The following DKK3 variants were observed in gnomAD, a reference collection of about 807,000 sequenced individuals.
The protein encoded by DKK3 is dickkopf Wnt signaling pathway inhibitor 3.
A neutral mutation model predicts 33.2 loss-of-function variants in DKK3; 22 were observed. The ratio of observed to expected loss-of-function variants is 0.66; its 90% confidence interval spans 0.47 to 0.95. The LOEUF (loss-of-function observed/expected upper bound fraction) is 0.95, where lower values mean the gene tolerates loss of function less well. Among genes scored for constraint, DKK3 ranks in the 40% least tolerant of loss-of-function variants. DKK3 has a pLI of 0.00. For missense variants in DKK3, 398 were observed against 458.4 expected (o/e 0.87, Z 1.20); for synonymous variants, 194 against 188.8 (o/e 1.03, Z -0.23).
In DKK3 at chr11:11,999,367, T is replaced by C. The variant is rs369578356; in HGVS notation, c.352-588A>G. The stretch of plus-strand genomic sequence containing the variant: ...AAGTCTAACATAGAACCCAGGCTCT[T>C]CCTGCCCCATGAAAGGTCACGTCTA... On this transcript the variant is annotated intron_variant, in intron 2 of 6. Transcript: ENST00000683431. Among the ~76,000 whole-genome samples, 14 of 152,324 alleles carry C rather than the reference T, an allele frequency of 9.2e-5. No individual in the cohort carries two copies. The East Asian group carries it at 1.7e-3, about 19-fold the overall frequency.
intron 3 of DKK3, among the ~76,000 whole-genome samples, chr11:11,989,625 T>C (rs1848146723): frequency 6.6e-6 from 1 of 152,202 alleles, no homozygotes; most frequent in African/African-American, 2.4e-5. Context: ...CATCTCTGAT[T>C]TGCAAGATGA....
intron 5 of DKK3, among the ~76,000 whole-genome samples, 191 bp downstream of exon 5, chr11:11,966,763 G>A (rs1432305893): frequency 2.0e-5 from 3 of 151,918 alleles, no homozygotes; most frequent in Non-Finnish European, 4.4e-5. Context: ...ATCAACAGGG[G>A]AAAAAAAAGA....
intron 3 of DKK3, 146 bp from the exon 4 acceptor site, chr11:11,968,633 G>A (rs1245309361): frequency 3.1e-6 from 2 of 645,274 alleles, no homozygotes; most frequent in Non-Finnish European, 5.1e-6. Context: ...GACTCTAGTC[G>A]CTCCTGATCC....
chr11:11,980,529 T>A (rs1802662838), intron 3 of DKK3, among the ~76,000 whole-genome samples: 1 of 152,146 alleles, frequency 6.6e-6, no homozygotes, highest in Non-Finnish European at 1.5e-5. Flanking sequence ...TTTTCTGACC[T>A]CCCTAGGACC....
chr11:12,007,360 T>C (rs1016661718), intron 1 of DKK3, among the ~76,000 whole-genome samples: 1 of 152,158 alleles, frequency 6.6e-6, no homozygotes, highest in African/African-American at 2.4e-5. Flanking sequence ...GGCTCCTCTC[T>C]ATAGACACAG....
intron 3 of DKK3, among the ~76,000 whole-genome samples, chr11:11,972,667 T>C (rs78183961): frequency 0.011 from 1,690 of 152,298 alleles, 31 homozygotes; most frequent in African/African-American, 0.039. Flanking sequence ...GGAGAGGACA[T>C]GTGTCAGTGC....
At chr11:11,974,859 G>T (rs1847799081) in intron 3 of DKK3, among the ~76,000 whole-genome samples, 1 of 151,760 alleles carries the variant, frequency 6.6e-6, no homozygotes, top group Non-Finnish European at 1.5e-5. Flanking sequence ...AGCCAAGATC[G>T]CACCACTGCA....
intron 3 of DKK3, among the ~76,000 whole-genome samples, chr11:11,980,117 G>C (rs1327819719): frequency 6.6e-6 from 1 of 152,168 alleles, no homozygotes; most frequent in Non-Finnish European, 1.5e-5. Context: ...AGCTCCCTCG[G>C]CTCTAATTCT....
intron 1 of DKK3, among the ~76,000 whole-genome samples, chr11:12,007,462 A>T (rs1848560892): frequency 6.6e-6 from 1 of 152,196 alleles, no homozygotes; most frequent in Non-Finnish European, 1.5e-5. Context: ...GGGCTGGGCC[A>T]GTGACATCTC....
chr11:12,006,925 C>T (rs1848548517), intron 1 of DKK3, among the ~76,000 whole-genome samples: 1 of 152,198 alleles, frequency 6.6e-6, no homozygotes, highest in African/African-American at 2.4e-5. Flanking sequence ...CCAGAGGCAT[C>T]GCAAACTCCA....
chr11:11,997,332 T>C (rs531262526), intron 3 of DKK3, among the ~76,000 whole-genome samples: 31 of 152,170 alleles, frequency 2.0e-4, no homozygotes, highest in Non-Finnish European at 4.3e-4. Context: ...GCCTCAATCC[T>C]TCATCAAACC....
chr11:11,968,731 A>G (rs1188450964), intron 3 of DKK3: 1 of 433,944 alleles, frequency 2.3e-6, no homozygotes, highest in African/African-American at 2.0e-5. Flanking sequence ...AATTCACACA[A>G]TCGCCATCTG....
intron 3 of DKK3, among the ~76,000 whole-genome samples, chr11:11,974,776 C>T (rs2135016087): frequency 6.6e-6 from 1 of 152,236 alleles, no homozygotes; most frequent in African/African-American, 2.4e-5. Context: ...TGGTGACATG[C>T]ACCTGTGATT....
At chr11:12,009,523 A>C, upstream of DKK3, 1 of 945,780 alleles carries the variant, frequency 1.1e-6, no homozygotes, top group Non-Finnish European at 1.3e-6. Flanking sequence ...GAAGGCAGCC[A>C]TCTCCTTCAC....
At chr11:12,006,532 TC>T (rs138851899) in intron 1 of DKK3, among the ~76,000 whole-genome samples, 3,787 of 152,266 alleles carry the variant, frequency 0.025, 132 homozygotes, top group African/African-American at 0.087. Context: ...CGAGGACACC[TC>T]TGGGAAAGAG....
chr11:12,008,323 C>T lies in DKK3; in HGVS notation c.213+47G>A, dbSNP rs1406013586. The T allele has an allele frequency of 3.2e-6, 5 of 1,564,984 alleles. No homozygotes were observed. The Admixed American group carries it at 9.0e-5, about 28-fold the overall frequency. On this transcript the variant is annotated intron_variant, in intron 1 of 6. Transcript: ENST00000683431. The surrounding 1 kb of genome is among the most constrained non-coding windows in gnomAD (Gnocchi z 4.6). ...CCATGCCTTCCCAGACTTCGCTGCC[C>T]CCAGTCTGGCGCTTCTCAGAGCCCC... is the stretch of plus-strand genomic sequence containing the variant.
intron 4 of DKK3, among the ~76,000 whole-genome samples, chr11:11,967,438 G>T (rs902118029): frequency 6.6e-6 from 1 of 152,222 alleles, no homozygotes; most frequent in Admixed American, 6.5e-5. Context: ...CAGGCCCAAA[G>T]AGGCAAGGCC....
At chr11:11,981,115 C>T (rs1590520827) in intron 3 of DKK3, among the ~76,000 whole-genome samples, 2 of 152,230 alleles carry the variant, frequency 1.3e-5, no homozygotes, top group Admixed American at 1.3e-4. Context: ...GCTCTAATGA[C>T]TCACTTCTAA....
chr11:12,006,848 G>A (rs1361166691), intron 1 of DKK3, among the ~76,000 whole-genome samples: 2 of 152,178 alleles, frequency 1.3e-5, no homozygotes, highest in African/African-American at 2.4e-5. Context: ...CAGTCTTACC[G>A]GGAATCTGTG....
Sources: gnomAD v4.1 joint callset for allele counts (sites outside exome capture counted in the v4.1 genomes callset) on GRCh38, gnomAD v4.1.1 for gene constraint, Gnocchi (gnomAD v3.1) non-coding constraint, MANE v1.5 for transcripts, NCBI Gene and HGNC (gene_info 2026-07-23, HGNC 2026-07-21) for gene names.